The following B3GLCT variants were observed in gnomAD, a reference collection of about 807,000 sequenced individuals.
B3GLCT encodes beta 3-glucosyltransferase.
Under a neutral mutation model 63.4 loss-of-function variants are expected in B3GLCT, and 65 were observed. The observed-to-expected ratio is 1.03, with a 90% CI of 0.84 to 1.26. The LOEUF (loss-of-function observed/expected upper bound fraction) is 1.26. Ranked by LOEUF, B3GLCT falls within the 50% of genes most tolerant of loss-of-function variation. The pLI is 0.00. For missense variants in B3GLCT, 577 were observed against 604.8 expected (o/e 0.95, Z 0.48); for synonymous variants, 233 against 219.2 (o/e 1.06, Z -0.55).
At position 31,273,205 on chromosome 13, in the gene B3GLCT, C is replaced by T. The variant is rs375841487; in HGVS notation, c.661-1304C>T. 1.9e-4 allele frequency among the ~76,000 whole-genome samples: 29 copies of T among 152,324 alleles called. No individual in the cohort carries two copies. The South Asian group carries it at 6.0e-3, about 32-fold the overall frequency. On this transcript the variant is annotated intron_variant, in intron 8 of 14. Coordinates refer to ENST00000343307, the MANE Select transcript of B3GLCT (RefSeq NM_194318.4). ...CATCTCCCGGGTTCAAGCAATTCTT[C>T]TGCCTCAGCCTCCTGAGTAGCTGGG...
chr13:31,231,010 G>A (rs1275978014), intron 4 of B3GLCT, among the ~76,000 whole-genome samples: 8 of 150,786 alleles, frequency 5.3e-5, no homozygotes, highest in South Asian at 2.1e-4. Context: ...CTGTCTCAAA[G>A]AAAAAAAAAA....
rs550507884 is a variant in B3GLCT, at chr13:31,302,374, G to A, written c.1065-15192G>A. Among the ~76,000 whole-genome samples the A allele has an allele frequency of 5.5e-3, 832 of 151,716 alleles. 12 individuals are homozygous for A. The highest frequency in any genetic ancestry group is 0.019 in the African/African-American group (796 of 41,340). On this transcript the variant is annotated intron_variant, in intron 12 of 14. Coordinates refer to ENST00000343307, the MANE Select transcript of B3GLCT (RefSeq NM_194318.4). ...CCGGTCTACAGCTCCCAGCGTGAGC[G>A]ACGCAGAAGACGGGTGATTTCTGCA...
Position 31,332,087 on chromosome 13 carries a change from A to G in B3GLCT, c.*2419A>G, listed in dbSNP as rs1387029376. ...AACAATAATAGCATGCTAAATCACA[A>G]ATGATGCTATGTATGGGTATGTAAA... On this transcript the variant is annotated 3_prime_UTR_variant, in exon 15 of 15. Coordinates refer to ENST00000343307, the MANE Select transcript of B3GLCT (RefSeq NM_194318.4). The G allele has an allele frequency of 6.6e-6, 1 of 152,134 alleles. No homozygotes were observed. Among genetic ancestry groups the G allele is most frequent in the Non-Finnish European group, 1.5e-5 (1 of 68,014 alleles). 9.4% of individuals were successfully genotyped at this position (152,134 alleles called of 1,614,324 possible). A position where few individuals can be genotyped will look rare whatever the true frequency, so the allele number is the denominator to read the frequency against.
intron 6 of B3GLCT, among the ~76,000 whole-genome samples, chr13:31,256,904 C>T (rs1243347269): frequency 7.5e-6 from 1 of 134,092 alleles, no homozygotes; most frequent in African/African-American, 2.6e-5. Context: ...ACATGTACCC[C>T]AGAACTTAAA....
chr13:31,202,670 A>G (rs570208973), intron 1 of B3GLCT, among the ~76,000 whole-genome samples: 1 of 152,084 alleles, frequency 6.6e-6, no homozygotes, highest in Non-Finnish European at 1.5e-5. Flanking sequence ...ATATCTTTAG[A>G]GATTGTTTGG....
chr13:31,228,138 A>G (rs1460681269), intron 3 of B3GLCT, among the ~76,000 whole-genome samples: 1 of 152,212 alleles, frequency 6.6e-6, no homozygotes, highest in Non-Finnish European at 1.5e-5. Flanking sequence ...AGGCTGGTGA[A>G]TACTGCCAGC....
intron 8 of B3GLCT, among the ~76,000 whole-genome samples, chr13:31,272,718 A>AT (rs1168628784): frequency 1.3e-5 from 2 of 152,294 alleles, no homozygotes; most frequent in Admixed American, 1.3e-4. Context: ...TTTAACTCTG[A>AT]TTATCCCACT....
intron 6 of B3GLCT, among the ~76,000 whole-genome samples, chr13:31,258,219 A>G (rs1219161716): frequency 6.6e-6 from 1 of 152,168 alleles, no homozygotes; most frequent in African/African-American, 2.4e-5. Flanking sequence ...CTAAAACTCG[A>G]CATGTTCAAA....
At chr13:31,309,287 A>G (rs1168434622) in intron 12 of B3GLCT, among the ~76,000 whole-genome samples, 1 of 152,226 alleles carries the variant, frequency 6.6e-6, no homozygotes, top group African/African-American at 2.4e-5. Context: ...TTATACCACA[A>G]CAATCAATGA....
intron 14 of B3GLCT, among the ~76,000 whole-genome samples, chr13:31,328,733 A>G (rs969912034): frequency 1.3e-5 from 2 of 151,310 alleles, no homozygotes; most frequent in African/African-American, 4.9e-5. Context: ...ACCGAGAGAA[A>G]CTGGATACTT....
chr13:31,277,167 A>G (rs1237256248), intron 10 of B3GLCT, among the ~76,000 whole-genome samples: 2 of 152,200 alleles, frequency 1.3e-5, no homozygotes, highest in African/African-American at 4.8e-5. Flanking sequence ...CAACAAAGAA[A>G]AAAGACTTTT....
At chr13:31,203,768 G>C (rs1868799152) in intron 1 of B3GLCT, among the ~76,000 whole-genome samples, 1 of 152,168 alleles carries the variant, frequency 6.6e-6, no homozygotes, top group Non-Finnish European at 1.5e-5. Context: ...CATGATAAAG[G>C]AAAAGTTGTG....
intron 12 of B3GLCT, among the ~76,000 whole-genome samples, chr13:31,312,110 A>T (rs1289343592): frequency 6.6e-6 from 1 of 152,224 alleles, no homozygotes; most frequent in African/African-American, 2.4e-5. Context: ...ATCACAAGTG[A>T]CAGCAAGACT....
chr13:31,250,422 C>G (rs1871374830), intron 6 of B3GLCT, among the ~76,000 whole-genome samples: 1 of 152,244 alleles, frequency 6.6e-6, no homozygotes, highest in East Asian at 1.9e-4. Context: ...GATCTGCCTG[C>G]CTCGGCCTCC....
At chr13:31,266,285 C>T (rs953451787) in intron 7 of B3GLCT, among the ~76,000 whole-genome samples, 1 of 152,168 alleles carries the variant, frequency 6.6e-6, no homozygotes, top group African/African-American at 2.4e-5. Context: ...ACCTCAGCCT[C>T]CCAAAGTACT....
At chr13:31,268,247 C>A (rs1056235083) in intron 7 of B3GLCT, among the ~76,000 whole-genome samples, 1 of 152,086 alleles carries the variant, frequency 6.6e-6, no homozygotes, top group Non-Finnish European at 1.5e-5. Flanking sequence ...AAATAAAAAA[C>A]CATATGGTAT....
At chr13:31,309,683 C>T (rs1018966860) in intron 12 of B3GLCT, among the ~76,000 whole-genome samples, 1 of 151,990 alleles carries the variant, frequency 6.6e-6, no homozygotes, top group Admixed American at 6.5e-5. Context: ...CTTCCTTGCC[C>T]CACTTGGGTG....
chr13:31,202,767 C>G (rs1334709673), intron 1 of B3GLCT, among the ~76,000 whole-genome samples: 1 of 152,128 alleles, frequency 6.6e-6, no homozygotes, highest in African/African-American at 2.4e-5. Context: ...TTCCCATTGC[C>G]TATTAAGTGG....
At chr13:31,288,872 AT>A (rs1873491447) in intron 12 of B3GLCT, among the ~76,000 whole-genome samples, 1 of 152,112 alleles carries the variant, frequency 6.6e-6, no homozygotes, top group Non-Finnish European at 1.5e-5. Context: ...GACCACAACA[AT>A]TTTCTGGGAA....
Sources: gnomAD v4.1 joint callset for allele counts (sites outside exome capture counted in the v4.1 genomes callset) on GRCh38, gnomAD v4.1.1 for gene constraint, MANE v1.5 for transcripts, NCBI Gene and HGNC (gene_info 2026-07-23, HGNC 2026-07-21) for gene names.